The following ANPEP variants were observed in gnomAD, a reference collection of about 807,000 sequenced individuals.
ANPEP encodes aminopeptidase N.
In ANPEP, 70 loss-of-function variants were observed where a neutral mutation model predicts 114.6. The ratio of observed to expected loss-of-function variants is 0.61; its 90% CI spans 0.50 to 0.75. The LOEUF is 0.75. Among genes scored for constraint, ANPEP ranks in the 30% least tolerant of loss-of-function variants. The pLI, the probability that ANPEP is intolerant of heterozygous loss-of-function variation, is 0.00. For synonymous variants in ANPEP, 548 were observed against 522.3 expected (o/e 1.05, Z -0.67); for missense variants, 1,184 against 1,259.5 (o/e 0.94, Z 0.91).
Position 89,799,345 on chromosome 15 carries a change from G to T in ANPEP, c.1954-30C>A. On this transcript the variant is annotated intron_variant, in intron 13 of 20. Transcript: ENST00000300060. This position sits in a 1 kb window ranked among gnomAD's most constrained non-coding sequence, Gnocchi z 4.2. ...AATGCGAAGCACAGCATGTGACCAT[G>T]GGTTGGCTGTGGGTGGCAGGCCTTG... 1 of 1,614,184 alleles carries T rather than the reference G, an allele frequency of 6.2e-7. No individual in the cohort carries two copies. The highest frequency in any genetic ancestry group is 8.5e-7 in the Non-Finnish European group (1 of 1,180,010).
rs765098829 is a variant in ANPEP at position 89,806,600 on chromosome 15, C to T, written c.-17G>A. ...CTTGGCCATGGTGATGGTGGGGAGG[C>T]GGCTCAGGGAGCCTCAGGCCAGGCA... On this transcript the variant is annotated 5_prime_UTR_variant, in exon 2 of 21. Transcript: ENST00000300060. The surrounding 1 kb of genome is among the most constrained non-coding windows in gnomAD (Gnocchi z 5.7). 1.3e-5 allele frequency: 21 copies of T among 1,565,210 alleles called. No homozygotes were observed. Among genetic ancestry groups the T allele is most frequent in the Middle Eastern group, 1.8e-4 (1 of 5,562 alleles).
chr15:89,801,343 G>A, intron 11 of ANPEP, 92 bp downstream of exon 11: 1 of 1,559,662 alleles, frequency 6.4e-7, no homozygotes, highest in African/African-American at 1.3e-5. Flanking sequence ...GGCTGGGGCT[G>A]GGACCACAGG....
At chr15:89,786,632 G>T (rs961585047) in intron 20 of ANPEP, among the ~76,000 whole-genome samples, 2 of 151,694 alleles carry the variant, frequency 1.3e-5, no homozygotes, top group Non-Finnish European at 2.9e-5. Context: ...AGTTGAGGCT[G>T]CAGTGAGCTG....
At position 89,805,093 on chromosome 15, in the gene ANPEP, T is replaced by G; in HGVS notation, c.882A>C (p.Ala294=). 1 of 1,614,226 alleles carries G rather than the reference T, an allele frequency of 6.2e-7. No individual in the cohort carries two copies. Among genetic ancestry groups the G allele is most frequent in the East Asian group, 2.2e-5 (1 of 44,880 alleles). Residue 294 remains alanine, a synonymous_variant, in exon 4 of 21, where the codon GCA becomes GCC. Transcript: ENST00000300060. ...VSEFDYVEKQ[A]SNGVLIRIWA... ...AGCCTCATACCAAGACACCATTGGATGCCTGCTTCTCCACGTAGTCGAACT... is the reference window on the plus strand; with the variant it reads ...AGCCTCATACCAAGACACCATTGGAGGCCTGCTTCTCCACGTAGTCGAACT...
intron 20 of ANPEP, among the ~76,000 whole-genome samples, chr15:89,790,084 ATAAAAG>A (rs779887073): frequency 1.7e-3 from 142 of 85,202 alleles, no homozygotes; most frequent in Non-Finnish European, 2.2e-3. Context: ...AATAAAAAAA[ATAAAAG>A]AATGCGTTTA....
Position 89,803,439 on chromosome 15 carries a change from C to A in ANPEP, c.1503+3G>T. 6.2e-7 allele frequency: 1 copy of A among 1,606,320 alleles called. No homozygotes were observed. Among genetic ancestry groups the A allele is most frequent in the Non-Finnish European group, 8.5e-7 (1 of 1,176,368 alleles). On this transcript the variant is annotated splice_donor_region_variant and intron_variant, in intron 9 of 20. Transcript: ENST00000300060. This position sits in a 1 kb window ranked among gnomAD's most constrained non-coding sequence, Gnocchi z 4.2. The stretch of plus-strand genomic sequence containing the variant: ...CATGGCTGGCCCAGGGTGCAGTACT[C>A]ACCGCCAGGCCCTGCTTGAATACGT...
chr15:89,789,290 C>A (rs1968569965), intron 20 of ANPEP, among the ~76,000 whole-genome samples: 1 of 152,050 alleles, frequency 6.6e-6, no homozygotes, highest in East Asian at 1.9e-4. Context: ...AATTATATCT[C>A]AATTTTTAAA....
At position 89,805,230 on chromosome 15, in the gene ANPEP, C is replaced by A; in HGVS notation, c.758-13G>T. The A allele has an allele frequency of 1.2e-6, 2 of 1,614,194 alleles. No individual in the cohort carries two copies. Among genetic ancestry groups the A allele is most frequent in the African/African-American group, 2.7e-5 (2 of 75,054 alleles). ...GGGGTGCTGGGACCTGGGCAGGGAG[C>A]ATGTGTGTGTGAGGACGTACCCTCC... On this transcript the variant is annotated splice_polypyrimidine_tract_variant and intron_variant, in intron 3 of 20. Coordinates refer to ENST00000300060, the MANE Select transcript of ANPEP (RefSeq NM_001150.3).
intron 15 of ANPEP, among the ~76,000 whole-genome samples, chr15:89,796,444 A>G (rs925314329): frequency 2.0e-5 from 3 of 152,104 alleles, no homozygotes; most frequent in African/African-American, 7.2e-5. Flanking sequence ...ATTTACCAAA[A>G]TCTCTCATTT....
At position 89,803,406 on chromosome 15, in the gene ANPEP, C is replaced by T; in HGVS notation, c.1503+36G>A. Reference sequence around the variant, plus strand: ...GTCAAGGGCGAGGGGCAGAAGGAGACCCACCCTCATGGCTGGCCCAGGGTG... The same window carrying T: ...GTCAAGGGCGAGGGGCAGAAGGAGATCCACCCTCATGGCTGGCCCAGGGTG... On this transcript the variant is annotated intron_variant, in intron 9 of 20. Coordinates refer to ENST00000300060, the MANE Select transcript of ANPEP (RefSeq NM_001150.3). This position sits in a 1 kb window ranked among gnomAD's most constrained non-coding sequence, Gnocchi z 4.2. 6.2e-7 allele frequency: 1 copy of T among 1,612,058 alleles called. No homozygotes were observed. Among genetic ancestry groups the T allele is most frequent in the South Asian group, 1.1e-5 (1 of 90,994 alleles).
chr15:89,810,935 C>T (rs1490809177), intron 1 of ANPEP, among the ~76,000 whole-genome samples: 1 of 152,258 alleles, frequency 6.6e-6, no homozygotes, highest in African/African-American at 2.4e-5. Flanking sequence ...GGAAAGCTTC[C>T]TGCCTTTGCT....
At chr15:89,787,040 CTT>C (rs1015822999) in intron 20 of ANPEP, among the ~76,000 whole-genome samples, 1,405 of 91,044 alleles carry the variant, frequency 0.015, 8 homozygotes, top group African/African-American at 0.054. Flanking sequence ...TAATAAAACT[CTT>C]TTTTTTTTTT....
intron 1 of ANPEP, among the ~76,000 whole-genome samples, chr15:89,811,683 T>A (rs1007368841): frequency 1.3e-5 from 2 of 151,134 alleles, no homozygotes; most frequent in Non-Finnish European, 2.9e-5. Flanking sequence ...AAGAAAAAAT[T>A]GTTCCTCTAG....
At position 89,791,008 on chromosome 15, in the gene ANPEP, C is replaced by A; in HGVS notation, c.2614G>T (p.Gly872Trp). 1 of 1,614,216 alleles carries A rather than the reference C, an allele frequency of 6.2e-7. No homozygotes were observed. Among genetic ancestry groups the A allele is most frequent in the Non-Finnish European group, 8.5e-7 (1 of 1,180,034 alleles). ...TIISITNNVIGQGLVWDFVQS... is the reference protein window; with the variant it reads ...TIISITNNVIWQGLVWDFVQS... ...ACAAAGTCCCAGACCAGACCTTGCC[C>A]AATGACGTTGTTGGTAATGCTGATG... Residue 872 changes from glycine to tryptophan, a missense_variant, in exon 19 of 21, where the codon GGG (glycine) becomes TGG (tryptophan). Coordinates refer to ENST00000300060, the MANE Select transcript of ANPEP (RefSeq NM_001150.3).
Position 89,814,800 on chromosome 15 carries a change from C to T in ANPEP, c.-252G>A, listed in dbSNP as rs890968255. On this transcript the variant is annotated 5_prime_UTR_variant, in exon 1 of 21. Transcript: ENST00000300060. ...GGCCGCCGGGCGCTGGAACCTGGAC[C>T]CTGGACCCTGGCGGGTTCCGAGCTG... is the stretch of plus-strand genomic sequence containing the variant. The T allele has an allele frequency of 2.6e-5, 4 of 153,034 alleles. No homozygotes were observed. Among genetic ancestry groups the T allele is most frequent in the East Asian group, 1.9e-4 (1 of 5,216 alleles). The allele number at this position is 153,034 out of a possible 1,614,324, so 9.5% of individuals were successfully genotyped here. A position where few individuals can be genotyped will look rare whatever the true frequency, so the allele number is the denominator to read the frequency against.
chr15:89,799,526 T>G lies in ANPEP; in HGVS notation c.1853A>C (p.Glu618Ala). The change falls in exon 13 of 21, where the codon GAG becomes GCG. Residue 618 changes from glutamate (E) to alanine (A), a missense_variant. By Grantham distance (107) the Glu-to-Ala change is moderately radical (BLOSUM62 -1). Transcript: ENST00000300060. This position sits in a 1 kb window ranked among gnomAD's most constrained non-coding sequence, Gnocchi z 4.2. ...CACATTGAGGTTCAGCAGGACCCACTCATTGCCTGATGTGCTGAAGAGATC... is the reference window on the plus strand; with the variant it reads ...CACATTGAGGTTCAGCAGGACCCACGCATTGCCTGATGTGCTGAAGAGATC... The part of the protein sequence containing the change: ...QNDLFSTSGN[E>A]WVLLNLNVTG... The G allele has an allele frequency of 6.2e-7, 1 of 1,614,168 alleles. No individual in the cohort carries two copies. The highest frequency in any genetic ancestry group is 8.5e-7 in the Non-Finnish European group (1 of 1,180,042).
In ANPEP at chr15:89,804,325, G is replaced by A. The variant is rs367827322; in HGVS notation, c.1107C>T (p.Phe369=). Residue 369 remains phenylalanine (F), a synonymous_variant, in exon 6 of 21, where the codon TTC becomes TTT. Transcript: ENST00000300060. ...LVTYRENSLL[F]DPLSSSSSNK... Reference sequence around the variant, plus strand: ...TGCTGCTGGAGGAGGACAGGGGGTCGAACAGCAGGGAGTTCTCCCGGTAGG... The same window carrying A: ...TGCTGCTGGAGGAGGACAGGGGGTCAAACAGCAGGGAGTTCTCCCGGTAGG... 32 of 1,614,036 alleles carry A rather than the reference G, an allele frequency of 2.0e-5. No homozygotes were observed. The highest frequency in any genetic ancestry group is 2.5e-5 in the Non-Finnish European group (30 of 1,180,016).
In ANPEP at chr15:89,803,662, G is replaced by A. The variant is rs752774771; in HGVS notation, c.1422C>T (p.Ala474=). Residue 474 remains alanine, a synonymous_variant, in exon 8 of 21, where the codon GCC becomes GCT. Coordinates refer to ENST00000300060, the MANE Select transcript of ANPEP (RefSeq NM_001150.3). The surrounding 1 kb of genome is among the most constrained non-coding windows in gnomAD (Gnocchi z 4.2). ...CGGGCTGCACCTTGCTGTAGGAGAT[G>A]GCGTCAAACAGCTCACTGATCTGGG... The part of the protein sequence containing the change: ...TPAQISELFD[A]ISYSKGASVL... The A allele has an allele frequency of 6.2e-7, 1 of 1,611,966 alleles. No homozygotes were observed. The highest frequency in any genetic ancestry group is 1.3e-5 in the African/African-American group (1 of 75,028).
chr15:89,788,011 C>A (rs369821068), intron 20 of ANPEP, among the ~76,000 whole-genome samples: 2 of 152,066 alleles, frequency 1.3e-5, no homozygotes, highest in Non-Finnish European at 1.5e-5. Flanking sequence ...GCAATTAGAA[C>A]CCTCATGTGA....
Sources: allele counts gnomAD v4.1 joint callset (sites outside exome capture counted in the v4.1 genomes callset), GRCh38; gene constraint gnomAD v4.1.1; non-coding constraint Gnocchi (gnomAD v3.1); transcripts MANE v1.5; gene names NCBI Gene and HGNC (gene_info 2026-07-23, HGNC 2026-07-21).